SVIL: variants seen among roughly 807,000 people sequenced by gnomAD.
The protein encoded by SVIL is archvillin.
Under a neutral mutation model 240.4 loss-of-function variants are expected in SVIL, and 101 were observed. The observed-to-expected ratio is 0.42, with a 90% CI of 0.36 to 0.50. The LOEUF (loss-of-function observed/expected upper bound fraction) is 0.50. Ranked by LOEUF, SVIL falls within the 20% of genes least tolerant of loss-of-function variation. The pLI is 0.01. For synonymous variants in SVIL, 999 were observed against 1,100.0 expected (o/e 0.91, Z 1.82); for missense variants, 2,512 against 2,818.7 (o/e 0.89, Z 2.46).
chr10:29,470,071 C>A (rs775622096), intron 32 of SVIL, among the ~76,000 whole-genome samples: 1 of 152,200 alleles, frequency 6.6e-6, no homozygotes, highest in Non-Finnish European at 1.5e-5. Context: ...ATCCTCAGAG[C>A]GGCCCCCAAG....
rs111645375 is a variant in SVIL, at chr10:29,506,792, AT to A, written c.3516+5942del. 3.1e-3 allele frequency among the ~76,000 whole-genome samples: 420 copies of A among 134,818 alleles called. 1 individual carries two copies. The highest frequency in any genetic ancestry group is 9.9e-3 in the African/African-American group (361 of 36,512). 88.4% of individuals were successfully genotyped at this position (134,818 alleles called of 152,430 possible). A position where few individuals can be genotyped will look rare whatever the true frequency, so the allele number is the denominator to read the frequency against. On this transcript the variant is annotated intron_variant, in intron 17 of 37. Transcript: ENST00000355867. ...CCTAGAGGGAAAGGACAGAGGCCCT[AT>A]GAGGGAGGGGACAGAGGGCCTACAG...
chr10:29,635,452 T>G (rs866428055), upstream of SVIL, among the ~76,000 whole-genome samples: 8 of 152,212 alleles, frequency 5.3e-5, no homozygotes, highest in Middle Eastern at 0.014. Flanking sequence ...CTGTAGAAAA[T>G]GAATCATCAG....
chr10:29,506,275 G>A (rs138132054), intron 17 of SVIL, among the ~76,000 whole-genome samples: 8,962 of 149,074 alleles, frequency 0.06, 870 homozygotes, highest in African/African-American at 0.2. Flanking sequence ...GTGATGGAAT[G>A]GGAAGTTTGC....
chr10:29,520,828 A>T (rs1950512404), intron 16 of SVIL, among the ~76,000 whole-genome samples: 1 of 151,760 alleles, frequency 6.6e-6, no homozygotes, highest in African/African-American at 2.4e-5. Context: ...AGGCAGGAGG[A>T]TCACTTGTGT....
rs141179248 is a variant in SVIL at position 29,536,162 on chromosome 10, T to A, written c.828-93A>T. On this transcript the variant is annotated intron_variant, in intron 6 of 37. Transcript: ENST00000355867. ...ATAACTTAAAACCTAAAGGCTGATT[T>A]TTATTAAGAATAATCCTCACTTATA... The A allele has an allele frequency of 5.5e-4, 656 of 1,190,300 alleles. 3 individuals carry two copies. In the African/African-American group the frequency reaches 8.9e-3, roughly 16 times the overall value. The allele number at this position is 1,190,300 out of a possible 1,614,324, so 73.7% of individuals were successfully genotyped here.
chr10:29,735,581 C>T lies in SVIL; in HGVS notation c.-400+170G>A, dbSNP rs146202608. Among the ~76,000 whole-genome samples, 2 of 151,176 alleles carry T rather than the reference C, an allele frequency of 1.3e-5. No individual in the cohort carries two copies. The highest frequency in any genetic ancestry group is 3.0e-5 in the Non-Finnish European group (2 of 67,712). Reference sequence around the variant, plus strand: ...GGCCCGGGCACCCGCCGGCCTCCACCCCCGGGAGGCGCCCCCGTTCCCGCT... The same window carrying T: ...GGCCCGGGCACCCGCCGGCCTCCACTCCCGGGAGGCGCCCCCGTTCCCGCT... On this transcript the variant is annotated intron_variant, in intron 1 of 35. Coordinates refer to the SVIL transcript ENST00000375400. The surrounding 1 kb of genome is among the most constrained non-coding windows in gnomAD (Gnocchi z 4.1).
chr10:29,655,399 G>A (rs1474263333), intron 3 of SVIL, among the ~76,000 whole-genome samples: 1 of 152,190 alleles, frequency 6.6e-6, no homozygotes, highest in East Asian at 1.9e-4. Flanking sequence ...GGCAGGAGGA[G>A]TAGAAGGAAG....
chr10:29,663,824 C>G (rs1039822595), intron 2 of SVIL, among the ~76,000 whole-genome samples: 1 of 152,214 alleles, frequency 6.6e-6, no homozygotes, highest in Non-Finnish European at 1.5e-5. Context: ...GCAGAGCAGC[C>G]GCTGGTTCTC....
intron 3 of SVIL, among the ~76,000 whole-genome samples, chr10:29,557,103 C>T (rs554935942): frequency 4.6e-5 from 7 of 152,066 alleles, no homozygotes; most frequent in Non-Finnish European, 8.8e-5. Context: ...CTCCCCCCTC[C>T]CTTTCTTTTT....
chr10:29,623,164 C>T (rs1957730149), intron 1 of SVIL, among the ~76,000 whole-genome samples: 1 of 152,138 alleles, frequency 6.6e-6, no homozygotes, highest in Admixed American at 6.5e-5. Flanking sequence ...CCAAGTATGA[C>T]AAATTACATG....
intron 6 of SVIL, among the ~76,000 whole-genome samples, chr10:29,538,408 A>T (rs561824284): frequency 3.3e-5 from 5 of 152,380 alleles, no homozygotes; most frequent in African/African-American, 1.2e-4. Flanking sequence ...GTGAATACTC[A>T]AAGTCTGAGT....
At chr10:29,673,997 A>G (rs1960007622) in intron 2 of SVIL, among the ~76,000 whole-genome samples, 3 of 152,190 alleles carry the variant, frequency 2.0e-5, no homozygotes, top group African/African-American at 4.8e-5. Flanking sequence ...CTATAACAAG[A>G]GCCTCAATTT....
At chr10:29,601,931 T>C (rs1255533759) in intron 1 of SVIL, among the ~76,000 whole-genome samples, 2 of 152,218 alleles carry the variant, frequency 1.3e-5, no homozygotes. Context: ...TTATTCAGTT[T>C]GTTGATGGCT....
At chr10:29,625,071 G>GA (rs990720760) in intron 1 of SVIL, among the ~76,000 whole-genome samples, 67 of 143,948 alleles carry the variant, frequency 4.7e-4, no homozygotes, top group East Asian at 3.3e-3. Context: ...GTCTTAAAAA[G>GA]AAAAAAAAAA....
chr10:29,652,018 A>AAT (rs1554887058), intron 3 of SVIL, among the ~76,000 whole-genome samples: 6 of 149,876 alleles, frequency 4.0e-5, no homozygotes, highest in Non-Finnish European at 7.4e-5. Context: ...CACACACACA[A>AAT]ACACACACAC....
chr10:29,500,224 C>T (rs1462418913), intron 17 of SVIL, among the ~76,000 whole-genome samples: 6 of 148,978 alleles, frequency 4.0e-5, no homozygotes, highest in Admixed American at 2.0e-4. Context: ...TGGTCGCGGG[C>T]GATACCAGGG....
chr10:29,517,191 C>T (rs1320795337), intron 16 of SVIL, among the ~76,000 whole-genome samples: 2 of 152,014 alleles, frequency 1.3e-5, no homozygotes, highest in Non-Finnish European at 2.9e-5. Flanking sequence ...GTGGGAGGAT[C>T]GCTTGAGGCC....
In SVIL at chr10:29,718,178, T is replaced by C. The variant is rs555426421; in HGVS notation, c.-400+17573A>G. On this transcript the variant is annotated intron_variant, in intron 1 of 35. Coordinates refer to the SVIL transcript ENST00000375400. The stretch of plus-strand genomic sequence containing the variant: ...CCGTTTCTACTAAAAATACAAAAAT[T>C]AGCCAGGCGTGGTGGCACATCGCTG... 1.5e-3 allele frequency among the ~76,000 whole-genome samples: 222 copies of C among 151,914 alleles called. 2 individuals are homozygous for C. The highest frequency in any genetic ancestry group is 5.2e-3 in the African/African-American group (214 of 41,428).
In SVIL at chr10:29,533,471, A is replaced by G. The variant is rs1308821986; in HGVS notation, c.909-13T>C. On this transcript the variant is annotated splice_polypyrimidine_tract_variant and intron_variant, in intron 7 of 37. Coordinates refer to ENST00000355867, the MANE Select transcript of SVIL (RefSeq NM_021738.3). ...TCTAACTTTAACTCTTTAAGAAAGA[A>G]AAAGGATTTAAGTTGCAAAGTGCAG... The G allele has an allele frequency of 2.5e-6, 4 of 1,605,974 alleles. No homozygotes were observed. The highest frequency in any genetic ancestry group is 3.4e-6 in the Non-Finnish European group (4 of 1,175,086).
Sources: allele counts gnomAD v4.1 joint callset (sites outside exome capture counted in the v4.1 genomes callset), GRCh38; gene constraint gnomAD v4.1.1; non-coding constraint Gnocchi (gnomAD v3.1); transcripts MANE v1.5; gene names NCBI Gene and HGNC (gene_info 2026-07-23, HGNC 2026-07-21).